The following CCDC171 variants were observed in gnomAD, a reference collection of about 807,000 sequenced individuals.
CCDC171 encodes coiled-coil domain-containing protein 171.
Under a neutral mutation model 168.2 loss-of-function variants are expected in CCDC171, and 177 were observed. That is an observed-to-expected ratio of 1.05 (90% confidence interval 0.93 to 1.19). CCDC171 has a LOEUF of 1.19. Ranked by LOEUF, CCDC171 falls within the 50% of genes most tolerant of loss-of-function variation. The pLI, the probability that CCDC171 is intolerant of heterozygous loss-of-function variation, is 0.00. For synonymous variants in CCDC171, 687 were observed against 540.8 expected (o/e 1.27, Z -3.75); for missense variants, 1,991 against 1,539.0 (o/e 1.29, Z -4.91).
chr9:15,995,624 A>T (rs368084606), intron 3 of CCDC171, among the ~76,000 whole-genome samples: 98 of 152,366 alleles, frequency 6.4e-4, no homozygotes, highest in African/African-American at 2.3e-3. Flanking sequence ...TTTAATCAGC[A>T]CTATAGACTT....
intron 25 of CCDC171, among the ~76,000 whole-genome samples, chr9:15,921,065 A>G (rs1468742174): frequency 1.3e-5 from 2 of 151,794 alleles, no homozygotes; most frequent in East Asian, 3.9e-4. Flanking sequence ...ACTTTCCCTC[A>G]AAAGGCTGAT....
the CCDC171 span, among the ~76,000 whole-genome samples, chr9:16,080,356 A>G: frequency 6.6e-6 from 1 of 152,170 alleles, no homozygotes; most frequent in Non-Finnish European, 1.5e-5. Context: ...ATGTGTATAT[A>G]TGTGCCTGTT....
chr9:15,633,993 G>A (rs1192464798), intron 7 of CCDC171, among the ~76,000 whole-genome samples: 2 of 151,890 alleles, frequency 1.3e-5, no homozygotes, highest in African/African-American at 4.8e-5. Context: ...ATGGACACAG[G>A]GAAGGGGAAC....
chr9:15,851,741 C>T (rs113070403), intron 23 of CCDC171, among the ~76,000 whole-genome samples: 4 of 152,008 alleles, frequency 2.6e-5, no homozygotes, highest in African/African-American at 9.6e-5. Context: ...TCTTATATCC[C>T]TTTCCCCTAC....
At chr9:15,630,009 C>A (rs887490184) in intron 7 of CCDC171, among the ~76,000 whole-genome samples, 46 of 152,310 alleles carry the variant, frequency 3.0e-4, no homozygotes, top group South Asian at 2.3e-3. Flanking sequence ...GCCTGCCCTG[C>A]AAGAGCTCCT....
downstream of CCDC171, among the ~76,000 whole-genome samples, chr9:15,975,549 A>T (rs1462405555): frequency 6.6e-6 from 1 of 152,086 alleles, no homozygotes; most frequent in East Asian, 1.9e-4. Context: ...AGGAAACACC[A>T]CCCTCACTGT....
chr9:15,612,289 A>G (rs2043756393), intron 6 of CCDC171, among the ~76,000 whole-genome samples: 1 of 152,210 alleles, frequency 6.6e-6, no homozygotes, highest in Non-Finnish European at 1.5e-5. Flanking sequence ...GAAAAGATGA[A>G]AAAGCTGAAA....
At chr9:15,597,359 T>C (rs1322351752) in intron 6 of CCDC171, among the ~76,000 whole-genome samples, 1 of 152,114 alleles carries the variant, frequency 6.6e-6, no homozygotes, top group African/African-American at 2.4e-5. Context: ...GCATGAAGGG[T>C]TGCTGAATTT....
the CCDC171 span, among the ~76,000 whole-genome samples, chr9:16,081,914 G>A: frequency 1.3e-5 from 2 of 151,170 alleles, no homozygotes; most frequent in African/African-American, 4.9e-5. Flanking sequence ...CTTCTCCACT[G>A]ATCTAATATT....
intron 7 of CCDC171, among the ~76,000 whole-genome samples, chr9:15,646,196 C>T (rs1339013448): frequency 1.3e-5 from 2 of 152,114 alleles, no homozygotes; most frequent in African/African-American, 2.4e-5. Context: ...CAAGCAAATG[C>T]TGAGAGATTT....
Position 15,727,912 on chromosome 9 carries a change from C to A in CCDC171, c.1736C>A (p.Ala579Glu), listed in dbSNP as rs2053917033. Residue 579 changes from alanine to glutamate, a missense_variant, in exon 15 of 26, where the codon GCA becomes GAA. Physicochemically the swap from Ala to Glu is moderately radical, Grantham distance 107. Coordinates refer to ENST00000380701, the MANE Select transcript of CCDC171 (RefSeq NM_173550.4). Reference protein sequence around the residue: ...FLHTLYQHLVAGCVLIKQPEG... With the variant: ...FLHTLYQHLVEGCVLIKQPEG... ...CACACCTTATATCAGCACTTGGTAG[C>A]AGGCTGTGTGCTCATAAAACAACCA... 2 of 1,612,914 alleles carry A rather than the reference C, an allele frequency of 1.2e-6. No individual in the cohort carries two copies. The highest frequency in any genetic ancestry group is 1.7e-5 in the Admixed American group (1 of 59,876).
chr9:15,726,000 C>G (rs181525549), intron 14 of CCDC171, among the ~76,000 whole-genome samples: 7 of 152,126 alleles, frequency 4.6e-5, no homozygotes, highest in Non-Finnish European at 8.8e-5. Flanking sequence ...TCTTTTTACC[C>G]TATGGGTTAT....
chr9:15,659,097 G>C (rs1210031585), intron 8 of CCDC171, among the ~76,000 whole-genome samples: 2 of 152,188 alleles, frequency 1.3e-5, no homozygotes, highest in African/African-American at 2.4e-5. Context: ...TGTTGACTTT[G>C]AGGAGCAGTT....
At chr9:15,732,672 A>G (rs1342035452) in intron 16 of CCDC171, among the ~76,000 whole-genome samples, 1 of 152,096 alleles carries the variant, frequency 6.6e-6, no homozygotes, top group African/African-American at 2.4e-5. Flanking sequence ...ATGGCTGTAA[A>G]ATTTTATCCA....
intron 23 of CCDC171, among the ~76,000 whole-genome samples, chr9:15,856,410 G>A (rs1294322914): frequency 2.6e-5 from 4 of 151,758 alleles, no homozygotes; most frequent in Non-Finnish European, 5.9e-5. Flanking sequence ...TTTTAGATAC[G>A]TCATATAAGT....
intron 19 of CCDC171, among the ~76,000 whole-genome samples, chr9:15,778,347 A>G (rs1296700258): frequency 1.8e-5 from 2 of 113,070 alleles, no homozygotes; most frequent in Non-Finnish European, 3.8e-5. Flanking sequence ...AAAAAAAAAA[A>G]AAAATCACTG....
intron 9 of CCDC171, among the ~76,000 whole-genome samples, chr9:15,674,094 A>C (rs2049332423): frequency 6.6e-6 from 1 of 152,300 alleles, no homozygotes; most frequent in East Asian, 1.9e-4. Flanking sequence ...GTATGTGTCC[A>C]GGAATTTATC....
intron 18 of CCDC171, among the ~76,000 whole-genome samples, chr9:15,767,003 T>A (rs535345949): frequency 1.9e-4 from 29 of 152,266 alleles, no homozygotes; most frequent in South Asian, 6.2e-4. Context: ...CAGTTTTTTT[T>A]AAAAATGCCA....
chr9:15,864,872 T>C (rs1018265902), intron 23 of CCDC171, among the ~76,000 whole-genome samples: 4 of 152,070 alleles, frequency 2.6e-5, no homozygotes, highest in African/African-American at 9.7e-5. Flanking sequence ...GTCATGTTTG[T>C]TGTTGGATGA....
Sources: allele counts gnomAD v4.1 joint callset (sites outside exome capture counted in the v4.1 genomes callset), GRCh38; gene constraint gnomAD v4.1.1; transcripts MANE v1.5; gene names NCBI Gene and HGNC (gene_info 2026-07-23, HGNC 2026-07-21).